The following GUCY1A1 variants were observed in gnomAD, a reference collection of about 807,000 sequenced individuals.
The protein encoded by GUCY1A1 is guanylate cyclase 1 soluble subunit alpha 1.
In GUCY1A1, 48 loss-of-function variants were observed where a neutral mutation model predicts 64.5. That is an observed-to-expected ratio of 0.74 (90% CI 0.59 to 0.95). GUCY1A1 has a LOEUF of 0.95. Ranked by LOEUF, GUCY1A1 falls within the 40% of genes least tolerant of loss-of-function variation. The pLI is 0.00. For missense variants in GUCY1A1, 804 were observed against 825.3 expected (o/e 0.97, Z 0.32); for synonymous variants, 308 against 303.4 (o/e 1.02, Z -0.16).
rs2110878648 is a variant in GUCY1A1 at position 155,736,648 on chromosome 4, T to G, written c.*6417T>G. 6.6e-6 allele frequency: 1 copy of G among 152,130 alleles called. No homozygotes were observed. Among genetic ancestry groups the G allele is most frequent in the East Asian group, 1.9e-4 (1 of 5,154 alleles). The allele number at this position is 152,130 out of a possible 1,614,324, so 9.4% of individuals were successfully genotyped here. On this transcript the variant is annotated 3_prime_UTR_variant, in exon 10 of 10. Transcript: ENST00000506455. ...TGAGGAATAAAAGGAGTTAGTTTTT[T>G]GGTCCTGATGTGTAAAATGATTCAT... is the stretch of plus-strand genomic sequence containing the variant.
At chr4:155,689,794 G>T (rs908905711) in intron 2 of GUCY1A1, among the ~76,000 whole-genome samples, 9 of 152,204 alleles carry the variant, frequency 5.9e-5, no homozygotes, top group Non-Finnish European at 1.2e-4. Flanking sequence ...GGCGAGTCGG[G>T]GGGCAGGGGC....
rs749731686 is a variant in GUCY1A1, at chr4:155,731,270, A to T, written c.*1039A>T. 1.3e-5 allele frequency: 2 copies of T among 152,006 alleles called. No homozygotes were observed. The highest frequency in any genetic ancestry group is 1.9e-4 in the East Asian group (1 of 5,150). 9.4% of individuals were successfully genotyped at this position (152,006 alleles called of 1,614,324 possible). A position where few individuals can be genotyped will look rare whatever the true frequency, so the allele number is the denominator to read the frequency against. On this transcript the variant is annotated 3_prime_UTR_variant, in exon 10 of 10. Coordinates refer to ENST00000506455, the MANE Select transcript of GUCY1A1 (RefSeq NM_001130682.3). ...AAGAAAATCTAAGTATGGAAGTAGA[A>T]AATAAGACTTGTTCTTTTGGTGGAT...
At position 155,710,239 on chromosome 4, in the gene GUCY1A1, A is replaced by C. The variant is rs138821866; in HGVS notation, c.377-303A>C. Among the ~76,000 whole-genome samples, 742 of 152,308 alleles carry C rather than the reference A, an allele frequency of 4.9e-3. 8 individuals carry two copies. The highest frequency in any genetic ancestry group is 0.017 in the African/African-American group (704 of 41,574). ...GAGGACTTTTGCCAAAATGTACTTA[A>C]TACTGGAATTCAAATTATTCTTTTG... On this transcript the variant is annotated intron_variant, in intron 5 of 9. Coordinates refer to ENST00000506455, the MANE Select transcript of GUCY1A1 (RefSeq NM_001130682.3).
At chr4:155,712,304 G>A (rs894467617) in intron 6 of GUCY1A1, among the ~76,000 whole-genome samples, 2 of 152,080 alleles carry the variant, frequency 1.3e-5, no homozygotes, top group African/African-American at 4.8e-5. Context: ...GCTAATTTTT[G>A]TATTTTTTAT....
At chr4:155,728,956 TA>T (rs979380194) in intron 9 of GUCY1A1, among the ~76,000 whole-genome samples, 4 of 151,874 alleles carry the variant, frequency 2.6e-5, no homozygotes, top group African/African-American at 9.7e-5. Flanking sequence ...AATTCATGAC[TA>T]AGGCATCATT....
At chr4:155,697,166 A>G (rs1272035741) in intron 3 of GUCY1A1, 44 bp downstream of exon 3, 1 of 1,480,336 alleles carries the variant, frequency 6.8e-7, no homozygotes, top group African/African-American at 1.4e-5. Flanking sequence ...ATACTTTGAA[A>G]TTGTAGAAGA....
chr4:155,718,803 C>A (rs1211496129), intron 8 of GUCY1A1, among the ~76,000 whole-genome samples: 2 of 152,114 alleles, frequency 1.3e-5, no homozygotes, highest in African/African-American at 2.4e-5. Flanking sequence ...ACTCTATCAG[C>A]CAGAGCAATC....
At chr4:155,725,988 C>T (rs1179934665) in intron 9 of GUCY1A1, among the ~76,000 whole-genome samples, 3 of 151,702 alleles carry the variant, frequency 2.0e-5, no homozygotes, top group African/African-American at 2.4e-5. Context: ...ATCTCATTAC[C>T]CAGAGATAGT....
rs190335611 is a variant in GUCY1A1, at chr4:155,713,414, A to T, written c.1403A>T (p.Gln468Leu). Residue 468 changes from glutamine (Q) to leucine (L), a missense_variant, in exon 7 of 10, where the codon CAA (glutamine) becomes CTA (leucine). Coordinates refer to ENST00000506455, the MANE Select transcript of GUCY1A1 (RefSeq NM_001130682.3). ...FPCEVAQQLWQGQVVQAKKFS... is the reference protein window; with the variant it reads ...FPCEVAQQLWLGQVVQAKKFS... Reference sequence around the variant, plus strand: ...TGTGAGGTTGCTCAGCAGCTGTGGCAAGGGCAAGTTGTGCAAGCCAAGAAG... The same window carrying T: ...TGTGAGGTTGCTCAGCAGCTGTGGCTAGGGCAAGTTGTGCAAGCCAAGAAG... 1 of 1,614,156 alleles carries T rather than the reference A, an allele frequency of 6.2e-7. No individual in the cohort carries two copies. Among genetic ancestry groups the T allele is most frequent in the African/African-American group, 1.3e-5 (1 of 75,048 alleles).
chr4:155,688,538 C>T (rs1729315912), intron 2 of GUCY1A1, among the ~76,000 whole-genome samples: 1 of 152,158 alleles, frequency 6.6e-6, no homozygotes, highest in African/African-American at 2.4e-5. Context: ...TTATAATGTA[C>T]TCTGTGGAGT....
At position 155,710,779 on chromosome 4, in the gene GUCY1A1, T is replaced by A. The variant is rs752831787; in HGVS notation, c.614T>A (p.Phe205Tyr). 6.2e-7 allele frequency: 1 copy of A among 1,614,024 alleles called. No homozygotes were observed. The highest frequency in any genetic ancestry group is 1.1e-5 in the South Asian group (1 of 91,076). Residue 205 changes from phenylalanine (F) to tyrosine (Y), a missense_variant, in exon 6 of 10, where the codon TTC becomes TAC. Coordinates refer to ENST00000506455, the MANE Select transcript of GUCY1A1 (RefSeq NM_001130682.3). ...GATGATTTTCTACATGTTTACTACT[T>A]CTTCCCTAAGAGAACCACCTCCCTG... is the stretch of plus-strand genomic sequence containing the variant. ...KEDDFLHVYY[F>Y]FPKRTTSLIL...
At position 155,680,011 on chromosome 4, in the gene GUCY1A1, T is replaced by G. The variant is rs563995687; in HGVS notation, c.-113+12592T>G. Among the ~76,000 whole-genome samples, 15 of 152,338 alleles carry G rather than the reference T, an allele frequency of 9.8e-5. No homozygotes were observed. The South Asian group carries it at 2.5e-3, about 25-fold the overall frequency. ...TATATAAGTCCTTCAGTGCTATTTTTTCTTCTTTAATATTAATTTGGCTAT... is the reference window on the plus strand; with the variant it reads ...TATATAAGTCCTTCAGTGCTATTTTGTCTTCTTTAATATTAATTTGGCTAT... On this transcript the variant is annotated intron_variant, in intron 2 of 9. Transcript: ENST00000506455.
chr4:155,733,530 T>C lies in GUCY1A1; in HGVS notation c.*3299T>C, dbSNP rs762586467. 3.3e-5 allele frequency among the ~76,000 whole-genome samples: 5 copies of C among 151,690 alleles called. No homozygotes were observed. The highest frequency in any genetic ancestry group is 7.4e-5 in the Non-Finnish European group (5 of 67,858). On this transcript the variant is annotated 3_prime_UTR_variant, in exon 10 of 10. Coordinates refer to ENST00000506455, the MANE Select transcript of GUCY1A1 (RefSeq NM_001130682.3). The stretch of plus-strand genomic sequence containing the variant: ...ATATTGCTATTGTAATATTAATATA[T>C]AGTAATTAACTACACATGACACAGC...
intron 4 of GUCY1A1, among the ~76,000 whole-genome samples, chr4:155,706,969 G>A (rs1731866592): frequency 1.3e-5 from 2 of 152,196 alleles, no homozygotes; most frequent in African/African-American, 4.8e-5. Context: ...AACAAGTGCA[G>A]TAATTGCATG....
chr4:155,700,521 C>T (rs1730946478), intron 3 of GUCY1A1, among the ~76,000 whole-genome samples: 1 of 152,132 alleles, frequency 6.6e-6, no homozygotes, highest in Non-Finnish European at 1.5e-5. Context: ...CATCAAATAG[C>T]AGTTTTTCCT....
intron 3 of GUCY1A1, among the ~76,000 whole-genome samples, chr4:155,701,567 A>G (rs1239146686): frequency 1.3e-5 from 2 of 152,206 alleles, no homozygotes; most frequent in Non-Finnish European, 2.9e-5. Flanking sequence ...GAGTATCTCC[A>G]GTAGCATGGA....
chr4:155,669,481 A>G (rs916483506), intron 2 of GUCY1A1, among the ~76,000 whole-genome samples: 1 of 152,014 alleles, frequency 6.6e-6, no homozygotes, highest in Admixed American at 6.6e-5. Context: ...GGAAGGAAAT[A>G]TAAAATTATT....
chr4:155,713,296 C>T lies in GUCY1A1; in HGVS notation c.1285C>T (p.Leu429=), dbSNP rs1455458775. The part of the protein sequence containing the change: ...ARAQDGLKKR[L]GKLKATLEQA... ...AGCTCAAGATGGCCTGAAGAAGAGG[C>T]TGGGGAAGCTGAAGGCTACCCTTGA... The change falls in exon 7 of 10, where the codon CTG becomes TTG. Residue 429 remains leucine (L), a synonymous_variant. Coordinates refer to ENST00000506455, the MANE Select transcript of GUCY1A1 (RefSeq NM_001130682.3). The T allele has an allele frequency of 1.9e-6, 3 of 1,614,144 alleles. No individual in the cohort carries two copies. The highest frequency in any genetic ancestry group is 2.2e-5 in the South Asian group (2 of 91,084).
chr4:155,718,208 G>A (rs893390439), intron 8 of GUCY1A1, among the ~76,000 whole-genome samples: 2 of 152,170 alleles, frequency 1.3e-5, no homozygotes, highest in East Asian at 3.9e-4. Flanking sequence ...TCAGAAATAA[G>A]CCTTTGAGGT....
Sources: gnomAD v4.1 joint callset for allele counts (sites outside exome capture counted in the v4.1 genomes callset) on GRCh38, gnomAD v4.1.1 for gene constraint, MANE v1.5 for transcripts, NCBI Gene and HGNC (gene_info 2026-07-23, HGNC 2026-07-21) for gene names.